FAM83B: variants seen among roughly 807,000 people sequenced by gnomAD.
FAM83B encodes the protein protein FAM83B.
FAM83B carries 26 observed loss-of-function variants against 38.8 expected under a neutral mutation model. That is an observed-to-expected ratio of 0.67 (90% CI 0.49 to 0.93). The LOEUF (loss-of-function observed/expected upper bound fraction) is 0.93, where lower values mean the gene tolerates loss of function less well. FAM83B is among the 40% of genes least tolerant of loss of function. The pLI, the probability that FAM83B is intolerant of heterozygous loss-of-function variation, is 0.00. For missense variants in FAM83B, 1,237 were observed against 1,197.3 expected (o/e 1.03, Z -0.49); for synonymous variants, 419 against 423.1 (o/e 0.99, Z 0.12).
intron 2 of FAM83B, among the ~76,000 whole-genome samples, chr6:54,925,224 C>T (rs926695533): frequency 1.3e-5 from 2 of 152,186 alleles, no homozygotes; most frequent in South Asian, 4.1e-4. Flanking sequence ...CCAAACTCCT[C>T]CTGAATTTCC....
intron 2 of FAM83B, among the ~76,000 whole-genome samples, chr6:54,926,064 A>G (rs1309090708): frequency 1.3e-5 from 2 of 152,100 alleles, no homozygotes; most frequent in Non-Finnish European, 2.9e-5. Flanking sequence ...CTGTTTGTCT[A>G]CCTTACAGGC....
intron 2 of FAM83B, among the ~76,000 whole-genome samples, chr6:54,911,473 T>G (rs1213183543): frequency 6.6e-6 from 1 of 152,114 alleles, no homozygotes; most frequent in East Asian, 1.9e-4. Context: ...AATATTTTAT[T>G]GAATAAGTTA....
rs760403012 is a variant in FAM83B at position 54,870,381 on chromosome 6, A to G, written c.135A>G (p.Glu45=). The G allele has an allele frequency of 6.2e-7, 1 of 1,614,084 alleles. No homozygotes were observed. The highest frequency in any genetic ancestry group is 1.7e-5 in the Admixed American group (1 of 60,008). Residue 45 remains glutamate, a synonymous_variant, in exon 2 of 5, where the codon GAA becomes GAG. Coordinates refer to ENST00000306858, the MANE Select transcript of FAM83B (RefSeq NM_001010872.3). The part of the protein sequence containing the change: ...LIEHGLEAYQ[E]FLVQERVSDF... ...AACACGGGTTAGAAGCATACCAAGA[A>G]TTTCTTGTCCAGGAACGAGTTTCAG...
chr6:54,849,235 A>C (rs777062489), intron 1 of FAM83B, among the ~76,000 whole-genome samples: 7 of 152,164 alleles, frequency 4.6e-5, no homozygotes, highest in Non-Finnish European at 1.0e-4. Context: ...TTTCTCTGAG[A>C]AAATGTGTTA....
intron 2 of FAM83B, among the ~76,000 whole-genome samples, chr6:54,916,277 C>T (rs1468526252): frequency 1.3e-5 from 2 of 152,090 alleles, no homozygotes; most frequent in Non-Finnish European, 1.5e-5. Flanking sequence ...TGACAGACAC[C>T]CTTTTATATC....
intron 2 of FAM83B, among the ~76,000 whole-genome samples, chr6:54,871,374 G>A (rs1771848716): frequency 6.6e-6 from 1 of 151,398 alleles, no homozygotes; most frequent in Non-Finnish European, 1.5e-5. Context: ...ACCATGGTGG[G>A]CACTTTGGAG....
At chr6:54,896,535 A>G (rs1000983893) in intron 2 of FAM83B, among the ~76,000 whole-genome samples, 3 of 152,194 alleles carry the variant, frequency 2.0e-5, no homozygotes, top group African/African-American at 7.2e-5. Flanking sequence ...CCACACTGAT[A>G]AGAGAAGGAA....
In FAM83B at chr6:54,927,558, G is replaced by T; in HGVS notation, c.660G>T (p.Gly220=). ...GCCAAGATTATCTTTCAAAAACAGG[G>T]GCAAAATTCCATGGAAAAATGGAAC... is the stretch of plus-strand genomic sequence containing the variant. The part of the protein sequence containing the change: ...VKGQDYLSKT[G]AKFHGKMEQK... The change falls in exon 4 of 5, where the codon GGG becomes GGT. Residue 220 remains glycine (G), a synonymous_variant. Transcript: ENST00000306858. 1 of 1,607,938 alleles carries T rather than the reference G, an allele frequency of 6.2e-7. No individual in the cohort carries two copies. The highest frequency in any genetic ancestry group is 8.5e-7 in the Non-Finnish European group (1 of 1,176,424).
intron 2 of FAM83B, among the ~76,000 whole-genome samples, chr6:54,917,611 G>C (rs1026790979): frequency 1.3e-5 from 2 of 151,990 alleles, no homozygotes; most frequent in African/African-American, 4.8e-5. Flanking sequence ...ATTTTGAGGA[G>C]CTTTTCTTGG....
intron 2 of FAM83B, among the ~76,000 whole-genome samples, chr6:54,872,770 G>A (rs1285166631): frequency 6.6e-6 from 1 of 152,130 alleles, no homozygotes; most frequent in South Asian, 2.1e-4. Flanking sequence ...TTGAATTAGC[G>A]AGCTGAAGAA....
Position 54,882,388 on chromosome 6 carries a change from C to T in FAM83B, c.444+11698C>T, listed in dbSNP as rs903927246. Among the ~76,000 whole-genome samples, 11 of 152,260 alleles carry T rather than the reference C, an allele frequency of 7.2e-5. 1 individual carries two copies. The highest frequency in any genetic ancestry group is 7.3e-5 in the Non-Finnish European group (5 of 68,032). On this transcript the variant is annotated intron_variant, in intron 2 of 4. Coordinates refer to ENST00000306858, the MANE Select transcript of FAM83B (RefSeq NM_001010872.3). ...ATTTATCTTCACAACAGTTCTCTAA[C>T]GTAGATACCTTTATTGCCCTTTTTT...
At chr6:54,877,657 T>A (rs1772033189) in intron 2 of FAM83B, among the ~76,000 whole-genome samples, 1 of 152,240 alleles carries the variant, frequency 6.6e-6, no homozygotes, top group Non-Finnish European at 1.5e-5. Flanking sequence ...AGCACTTACA[T>A]GTTAGGCACT....
At chr6:54,887,558 A>G (rs1772307943) in intron 2 of FAM83B, among the ~76,000 whole-genome samples, 1 of 151,944 alleles carries the variant, frequency 6.6e-6, no homozygotes, top group Non-Finnish European at 1.5e-5. Flanking sequence ...TTGTTTTATC[A>G]ATGGTTATGG....
At chr6:54,865,414 A>C (rs73437783) in intron 1 of FAM83B, among the ~76,000 whole-genome samples, 14,914 of 152,240 alleles carry the variant, frequency 0.098, 838 homozygotes, top group African/African-American at 0.15. Context: ...GCCATGGTCT[A>C]ATATGACCTC....
chr6:54,877,334 G>A (rs1772021680), intron 2 of FAM83B, among the ~76,000 whole-genome samples: 1 of 152,122 alleles, frequency 6.6e-6, no homozygotes, highest in Non-Finnish European at 1.5e-5. Flanking sequence ...TACTTTACTT[G>A]TCTGTCCTCT....
chr6:54,914,964 T>G (rs1773001532), intron 2 of FAM83B, among the ~76,000 whole-genome samples: 1 of 152,200 alleles, frequency 6.6e-6, no homozygotes, highest in African/African-American at 2.4e-5. Context: ...TTGTATAACT[T>G]AATTCTAAGG....
At chr6:54,911,705 G>A (rs779160195) in intron 2 of FAM83B, among the ~76,000 whole-genome samples, 2 of 151,718 alleles carry the variant, frequency 1.3e-5, no homozygotes, top group Non-Finnish European at 2.9e-5. Flanking sequence ...ATTTTTATTG[G>A]CCATCTGATA....
At chr6:54,890,516 G>A (rs915860280) in intron 2 of FAM83B, among the ~76,000 whole-genome samples, 8 of 151,906 alleles carry the variant, frequency 5.3e-5, no homozygotes, top group African/African-American at 1.9e-4. Flanking sequence ...ATTTTTAAGG[G>A]TGAGATCAAA....
At chr6:54,891,115 C>G (rs1772392077) in intron 2 of FAM83B, among the ~76,000 whole-genome samples, 1 of 152,030 alleles carries the variant, frequency 6.6e-6, no homozygotes, top group South Asian at 2.1e-4. Context: ...GGTTATTATT[C>G]CTTTTTCTTG....
Sources: allele counts gnomAD v4.1 joint callset (sites outside exome capture counted in the v4.1 genomes callset), GRCh38; gene constraint gnomAD v4.1.1; transcripts MANE v1.5; gene names NCBI Gene and HGNC (gene_info 2026-07-23, HGNC 2026-07-21).